Variants in PLPPR5 observed in about 807,000 individuals in gnomAD.
PLPPR5 encodes phospholipid phosphatase-related protein type 5.
PLPPR5 carries 16 observed loss-of-function variants against 33.9 expected under a neutral mutation model. The ratio of observed to expected loss-of-function variants is 0.47; its 90% CI spans 0.32 to 0.72. The LOEUF (loss-of-function observed/expected upper bound fraction) is 0.72. Among genes scored for constraint, PLPPR5 ranks in the 30% least tolerant of loss-of-function variants. The pLI is 0.03. For synonymous variants in PLPPR5, 163 were observed against 150.3 expected, an observed-to-expected ratio of 1.08 and a Z score of -0.62; for missense variants, 301 against 406.7, an observed-to-expected ratio of 0.74 and a Z score of 2.23.
At position 99,003,741 on chromosome 1, in the gene PLPPR5, G is replaced by A. The variant is rs571142358; in HGVS notation, c.237+694C>T. On this transcript the variant is annotated intron_variant, in intron 1 of 5. Transcript: ENST00000263177. Reference sequence around the variant, plus strand: ...AGGCATGCTCTGTGAGGTTCTAAGAGAAAAGGACTTAAATTGCCCAGGGAG... The same window carrying A: ...AGGCATGCTCTGTGAGGTTCTAAGAAAAAAGGACTTAAATTGCCCAGGGAG... Among the ~76,000 whole-genome samples, 81 of 152,314 alleles carry A rather than the reference G, an allele frequency of 5.3e-4. 2 individuals are homozygous for A. In the South Asian group the frequency reaches 0.016, roughly 30 times the overall value.
In PLPPR5 at chr1:98,939,335, T is replaced by C. The variant is rs1022852320; in HGVS notation, c.621+13735A>G. 1.5e-4 allele frequency among the ~76,000 whole-genome samples: 22 copies of C among 148,188 alleles called. No individual in the cohort carries two copies. The East Asian group carries it at 3.3e-3, about 22-fold the overall frequency. ...TGATTTGCTTTTGTGTCAAATATGC[T>C]AGGTGCACCACTGAAGATGTGCAGA... On this transcript the variant is annotated intron_variant, in intron 3 of 5. Transcript: ENST00000263177.
At chr1:98,962,096 T>C (rs1438996813) in intron 1 of PLPPR5, among the ~76,000 whole-genome samples, 1 of 152,232 alleles carries the variant, frequency 6.6e-6, no homozygotes, top group Non-Finnish European at 1.5e-5. Context: ...CAATTTCTAC[T>C]TGGACTCAAG....
intron 5 of PLPPR5, among the ~76,000 whole-genome samples, chr1:98,913,646 A>G (rs902322476): frequency 6.6e-6 from 1 of 152,166 alleles, no homozygotes; most frequent in South Asian, 2.1e-4. Context: ...AAGAATTTTT[A>G]TTCCTTCATT....
chr1:98,905,979 C>G (rs192207254), intron 5 of PLPPR5, among the ~76,000 whole-genome samples: 150 of 152,044 alleles, frequency 9.9e-4, no homozygotes, highest in African/African-American at 3.5e-3. Context: ...GAGCTTGCAT[C>G]CAATGTTATG....
intron 2 of PLPPR5, among the ~76,000 whole-genome samples, chr1:98,953,559 A>C (rs111705015): frequency 3.7e-4 from 56 of 152,272 alleles, no homozygotes; most frequent in African/African-American, 1.3e-3. Context: ...GTTTTTGGGC[A>C]TGGCAGGTTT....
At chr1:99,004,873 G>A (rs564790813), upstream of PLPPR5, 10 of 233,448 alleles carry the variant, frequency 4.3e-5, no homozygotes, top group South Asian at 1.8e-3. Flanking sequence ...CAGAGGAGGC[G>A]GCTACCCCCG....
At chr1:98,945,516 C>T (rs1650518115) in intron 3 of PLPPR5, among the ~76,000 whole-genome samples, 1 of 152,162 alleles carries the variant, frequency 6.6e-6, no homozygotes, top group African/African-American at 2.4e-5. Context: ...ATGTAAAAGA[C>T]CAAATATCGA....
At chr1:98,998,011 T>C (rs1652688710) in intron 1 of PLPPR5, among the ~76,000 whole-genome samples, 9 of 151,932 alleles carry the variant, frequency 5.9e-5, no homozygotes, top group Admixed American at 5.9e-4. Context: ...AAACACTAAC[T>C]GGTGTTATGG....
intron 3 of PLPPR5, among the ~76,000 whole-genome samples, chr1:98,951,045 T>C (rs538699237): frequency 1.3e-5 from 2 of 152,280 alleles, no homozygotes; most frequent in East Asian, 1.9e-4. Flanking sequence ...TGTATAAGAA[T>C]ATTTGGGGTC....
At chr1:98,933,193 TAAA>T (rs879430958) in intron 3 of PLPPR5, among the ~76,000 whole-genome samples, 108 of 143,760 alleles carry the variant, frequency 7.5e-4, no homozygotes, top group Middle Eastern at 3.5e-3. Flanking sequence ...GAGGGCTTTT[TAAA>T]AAAAAAAAAA....
At position 98,891,874 on chromosome 1, in the gene PLPPR5, A is replaced by G. The variant is rs1648288992; in HGVS notation, c.*1198T>C. 1 of 152,074 alleles carries G rather than the reference A, an allele frequency of 6.6e-6. No homozygotes were observed. The highest frequency in any genetic ancestry group is 1.5e-5 in the Non-Finnish European group (1 of 68,008). The allele number at this position is 152,074 out of a possible 1,614,324, so 9.4% of individuals were successfully genotyped here. A position where few individuals can be genotyped will look rare whatever the true frequency, so the allele number is the denominator to read the frequency against. ...CAAAATGAGATGACAGCTGTGCTAT[A>G]TTAGAAAGGAATATGAGTTCAGGGC... On this transcript the variant is annotated 3_prime_UTR_variant, in exon 6 of 6. Coordinates refer to ENST00000263177, the MANE Select transcript of PLPPR5 (RefSeq NM_001037317.2).
chr1:99,005,616 A>G (rs1192027361), upstream of PLPPR5, among the ~76,000 whole-genome samples: 7 of 152,004 alleles, frequency 4.6e-5, no homozygotes, highest in African/African-American at 9.7e-5. Flanking sequence ...TGCTTGTGAG[A>G]GGAGGCATTG....
intron 3 of PLPPR5, among the ~76,000 whole-genome samples, chr1:98,923,217 TA>T (rs1255677259): frequency 6.6e-6 from 1 of 152,232 alleles, no homozygotes; most frequent in Admixed American, 6.5e-5. Flanking sequence ...CTCATAAGTT[TA>T]TGTATTATTT....
intron 1 of PLPPR5, among the ~76,000 whole-genome samples, chr1:98,957,195 G>A (rs1651044870): frequency 6.7e-6 from 1 of 148,224 alleles, no homozygotes; most frequent in Non-Finnish European, 1.5e-5. Flanking sequence ...GTGGGGTTGG[G>A]GGAGGGGGGA....
chr1:98,964,734 T>A (rs533984156), intron 1 of PLPPR5, among the ~76,000 whole-genome samples: 13 of 152,302 alleles, frequency 8.5e-5, no homozygotes, highest in African/African-American at 3.1e-4. Flanking sequence ...ATAGTCCTTA[T>A]CAATCTGATA....
intron 3 of PLPPR5, among the ~76,000 whole-genome samples, chr1:98,946,032 T>C (rs1364077745): frequency 6.6e-6 from 1 of 152,152 alleles, no homozygotes; most frequent in Non-Finnish European, 1.5e-5. Context: ...TTTCATTTCA[T>C]TTCATCTGGT....
chr1:98,904,771 C>T (rs377004528), intron 5 of PLPPR5, among the ~76,000 whole-genome samples: 1 of 152,126 alleles, frequency 6.6e-6, no homozygotes. Flanking sequence ...CAATGCACAC[C>T]TTATCTGTTA....
At chr1:98,908,946 G>A (rs1208102021) in intron 5 of PLPPR5, among the ~76,000 whole-genome samples, 1 of 152,074 alleles carries the variant, frequency 6.6e-6, no homozygotes, top group African/African-American at 2.4e-5. Context: ...CAATGAGGAA[G>A]CACTGGAACC....
intron 5 of PLPPR5, among the ~76,000 whole-genome samples, chr1:98,898,557 T>C (rs1369969174): frequency 1.3e-5 from 2 of 152,130 alleles, no homozygotes; most frequent in Admixed American, 6.6e-5. Flanking sequence ...TTCTGGTAGG[T>C]TGTGAAGTTG....
Sources: gnomAD v4.1 joint callset for allele counts (sites outside exome capture counted in the v4.1 genomes callset) on GRCh38, gnomAD v4.1.1 for gene constraint, MANE v1.5 for transcripts, NCBI Gene and HGNC (gene_info 2026-07-23, HGNC 2026-07-21) for gene names.